NECTIN3: variants seen among roughly 807,000 people sequenced by gnomAD.
NECTIN3 encodes the protein nectin-3.
In NECTIN3, 8 loss-of-function variants were observed where a neutral mutation model predicts 49.4. The observed-to-expected ratio is 0.16, with a 90% confidence interval of 0.10 to 0.29. NECTIN3 has a LOEUF of 0.29. Ranked by LOEUF, NECTIN3 falls within the 10% of genes least tolerant of loss-of-function variation. The pLI is 1.00. For missense variants in NECTIN3, 581 were observed against 654.6 expected (o/e 0.89, Z 1.23); for synonymous variants, 277 against 241.1 (o/e 1.15, Z -1.38).
chr3:111,110,898 A>G (rs2033429927), intron 1 of NECTIN3, among the ~76,000 whole-genome samples: 1 of 152,052 alleles, frequency 6.6e-6, no homozygotes, highest in South Asian at 2.1e-4. Context: ...GGGAAATAAT[A>G]TTGCATAAAG....
chr3:111,149,307 G>C (rs1046745887), intron 7 of NECTIN3, among the ~76,000 whole-genome samples: 3 of 151,770 alleles, frequency 2.0e-5, no homozygotes, highest in Non-Finnish European at 2.9e-5. Context: ...AATTTTTCTT[G>C]ACTTTTCTTT....
chr3:111,134,356 A>G lies in NECTIN3; in HGVS notation c.*141A>G. 1.4e-6 allele frequency: 2 copies of G among 1,405,716 alleles called. No individual in the cohort carries two copies. Among genetic ancestry groups the G allele is most frequent in the Non-Finnish European group, 1.8e-6 (2 of 1,083,760 alleles). The allele number at this position is 1,405,716 out of a possible 1,614,324, so 87.1% of individuals were successfully genotyped here. ...CTTACTTTTTATATTCTAATCTGAC[A>G]AATGAAAATGTAAAATCTGAGTTCA... On this transcript the variant is annotated 3_prime_UTR_variant, in exon 6 of 6. Transcript: ENST00000485303.
intron 7 of NECTIN3, among the ~76,000 whole-genome samples, chr3:111,161,242 G>T (rs2035206383): frequency 6.6e-6 from 1 of 152,140 alleles, no homozygotes; most frequent in Non-Finnish European, 1.5e-5. Flanking sequence ...CTCTCTCAGG[G>T]TTAGTCTGGC....
chr3:111,074,016 G>T (rs533448049), intron 1 of NECTIN3, among the ~76,000 whole-genome samples: 5 of 151,148 alleles, frequency 3.3e-5, no homozygotes, highest in African/African-American at 1.2e-4. Context: ...TAGAGCAGGT[G>T]TAGTGTTTAG....
chr3:111,165,478 A>C (rs2035301430), intron 7 of NECTIN3, among the ~76,000 whole-genome samples: 1 of 152,160 alleles, frequency 6.6e-6, no homozygotes, highest in African/African-American at 2.4e-5. Context: ...CTTCAAAATG[A>C]CTTTCCTGAA....
At chr3:111,092,362 G>A (rs1320729721) in intron 1 of NECTIN3, among the ~76,000 whole-genome samples, 1 of 152,020 alleles carries the variant, frequency 6.6e-6, no homozygotes, top group East Asian at 1.9e-4. Flanking sequence ...ATATCTAGAA[G>A]GCTTTGACTA....
chr3:111,113,305 A>C (rs913116013), intron 2 of NECTIN3, among the ~76,000 whole-genome samples: 1 of 152,184 alleles, frequency 6.6e-6, no homozygotes, highest in African/African-American at 2.4e-5. Context: ...AGACTTTGTC[A>C]GGGTACTGAT....
At chr3:111,122,844 G>T (rs1186712609) in intron 4 of NECTIN3, among the ~76,000 whole-genome samples, 2 of 151,924 alleles carry the variant, frequency 1.3e-5, no homozygotes, top group African/African-American at 4.8e-5. Context: ...TATTTTGTCA[G>T]TATTTAGGGC....
At chr3:111,101,941 G>T (rs1007303277) in intron 1 of NECTIN3, among the ~76,000 whole-genome samples, 1 of 151,988 alleles carries the variant, frequency 6.6e-6, no homozygotes, top group East Asian at 1.9e-4. Context: ...GCATGGAATG[G>T]TCTTCTCAGC....
downstream of NECTIN3, among the ~76,000 whole-genome samples, chr3:111,141,190 AAAT>A (rs1453225036): frequency 3.3e-5 from 5 of 152,000 alleles, no homozygotes; most frequent in African/African-American, 9.7e-5. Flanking sequence ...CATATTGAGA[AAAT>A]AAACATTAAA....
intron 7 of NECTIN3, among the ~76,000 whole-genome samples, chr3:111,163,191 T>A (rs762027243): frequency 6.6e-6 from 1 of 152,210 alleles, no homozygotes; most frequent in Admixed American, 6.5e-5. Context: ...GATCTCTTTC[T>A]TCATAGTGTT....
intron 2 of NECTIN3, among the ~76,000 whole-genome samples, chr3:111,115,798 G>A (rs1323502476): frequency 2.0e-5 from 3 of 152,206 alleles, no homozygotes. Context: ...CATGAATGAA[G>A]ACAAGAACTA....
rs1247451325 is a variant in NECTIN3, at chr3:111,122,252, C to T, written c.917+14C>T. On this transcript the variant is annotated intron_variant, in intron 4 of 5. Transcript: ENST00000485303. ...TGTGTGGAGCAGGTAATGTTATATA[C>T]TTCGAAAGAGAAATTATCTAAAAGT... 5 of 1,548,098 alleles carry T rather than the reference C, an allele frequency of 3.2e-6. No homozygotes were observed. The highest frequency in any genetic ancestry group is 2.3e-5 in the South Asian group (2 of 87,120).
At chr3:111,158,154 G>C (rs1179402644) in intron 7 of NECTIN3, among the ~76,000 whole-genome samples, 1 of 151,994 alleles carries the variant, frequency 6.6e-6, no homozygotes, top group Non-Finnish European at 1.5e-5. Context: ...AGCTCACATA[G>C]ATACTAGAAG....
intron 5 of NECTIN3, among the ~76,000 whole-genome samples, chr3:111,127,465 C>CTT (rs35153084): frequency 1.7e-4 from 17 of 101,166 alleles, no homozygotes; most frequent in Non-Finnish European, 3.1e-4. Context: ...TGCAAACTTT[C>CTT]TTTTTTTTTT....
chr3:111,133,777 G>T lies in NECTIN3; in HGVS notation c.1212G>T (p.Thr404=). The change falls in exon 6 of 6, where the codon ACG becomes ACT. Residue 404 remains threonine, a synonymous_variant. Coordinates refer to ENST00000485303, the MANE Select transcript of NECTIN3 (RefSeq NM_015480.3). ...LATIKDDTIA[T]IIASVVGGAL... ...CAATTAAGGATGACACAATTGCCAC[G>T]ATCATTGCTAGTGTAGTGGGTGGGG... 6.2e-7 allele frequency: 1 copy of T among 1,613,920 alleles called. No individual in the cohort carries two copies. Among genetic ancestry groups the T allele is most frequent in the Non-Finnish European group, 8.5e-7 (1 of 1,179,866 alleles).
chr3:111,096,967 C>T (rs1295409644), intron 1 of NECTIN3, among the ~76,000 whole-genome samples: 1 of 152,140 alleles, frequency 6.6e-6, no homozygotes, highest in Non-Finnish European at 1.5e-5. Context: ...CCTAGTGGAG[C>T]TGTGAGAAGA....
intron 2 of NECTIN3, among the ~76,000 whole-genome samples, chr3:111,118,284 T>TATA (rs1559789405): frequency 3.2e-3 from 157 of 49,528 alleles, no homozygotes; most frequent in Non-Finnish European, 3.9e-3. Flanking sequence ...ATATATATAT[T>TATA]ATACATATAT....
At chr3:111,132,232 A>G (rs1246062678) in intron 5 of NECTIN3, among the ~76,000 whole-genome samples, 1 of 151,882 alleles carries the variant, frequency 6.6e-6, no homozygotes, top group Non-Finnish European at 1.5e-5. Context: ...TTCATCTCAA[A>G]GTACTTGACA....
Sources: gnomAD v4.1 joint callset for allele counts (sites outside exome capture counted in the v4.1 genomes callset) on GRCh38, gnomAD v4.1.1 for gene constraint, MANE v1.5 for transcripts, NCBI Gene and HGNC (gene_info 2026-07-23, HGNC 2026-07-21) for gene names.